Variants in SUV39H2 observed in about 807,000 individuals in gnomAD.
SUV39H2 encodes SUV39H2 histone lysine methyltransferase.
In SUV39H2, 10 loss-of-function variants were observed where a neutral mutation model predicts 47.5. The observed-to-expected ratio is 0.21, with a 90% confidence interval of 0.13 to 0.36. The LOEUF (loss-of-function observed/expected upper bound fraction) is 0.36. SUV39H2 is among the 10% of genes least tolerant of loss of function. The pLI is 1.00. For synonymous variants in SUV39H2, 159 were observed against 166.8 expected (o/e 0.95, Z 0.36); for missense variants, 266 against 487.4 (o/e 0.55, Z 4.28).
At chr10:14,893,036 G>T (rs71485533) in intron 2 of SUV39H2, among the ~76,000 whole-genome samples, 1 of 131,756 alleles carries the variant, frequency 7.6e-6, no homozygotes, top group Non-Finnish European at 1.5e-5. Flanking sequence ...ACGGAGTCTC[G>T]CTGTCGCCCA....
chr10:14,893,705 G>A (rs1833469824), intron 2 of SUV39H2, among the ~76,000 whole-genome samples: 1 of 152,154 alleles, frequency 6.6e-6, no homozygotes, highest in African/African-American at 2.4e-5. Flanking sequence ...ATATTTCTAT[G>A]CTAGTCTGCT....
At chr10:14,880,658 G>A (rs1362944907) in intron 1 of SUV39H2, among the ~76,000 whole-genome samples, 1 of 152,174 alleles carries the variant, frequency 6.6e-6, no homozygotes, top group Non-Finnish European at 1.5e-5. Flanking sequence ...AATTCAGTGT[G>A]GTAACATGCT....
intron 2 of SUV39H2, among the ~76,000 whole-genome samples, chr10:14,886,083 A>C (rs1023116640): frequency 6.6e-6 from 1 of 152,224 alleles, no homozygotes; most frequent in Non-Finnish European, 1.5e-5. Flanking sequence ...AGATCATTTC[A>C]TTTAGCTAAG....
chr10:14,902,184 T>C (rs1834072761), intron 5 of SUV39H2, among the ~76,000 whole-genome samples: 1 of 152,208 alleles, frequency 6.6e-6, no homozygotes, highest in African/African-American at 2.4e-5. Context: ...CACCATCCTT[T>C]CAAGACAATT....
chr10:14,879,055 C>A, intron 1 of SUV39H2, 136 bp downstream of exon 1: 1 of 1,313,354 alleles, frequency 7.6e-7, no homozygotes, highest in Non-Finnish European at 9.7e-7. Flanking sequence ...AACTCCGGGA[C>A]GCACGCTGCG....
chr10:14,896,257 A>T (rs542029683), intron 2 of SUV39H2, among the ~76,000 whole-genome samples: 23 of 152,080 alleles, frequency 1.5e-4, no homozygotes, highest in Non-Finnish European at 3.2e-4. Flanking sequence ...TGTGTATTAT[A>T]TTTTAAGCAT....
intron 2 of SUV39H2, among the ~76,000 whole-genome samples, chr10:14,892,265 A>G (rs964637472): frequency 1.3e-5 from 2 of 152,218 alleles, no homozygotes; most frequent in African/African-American, 2.4e-5. Flanking sequence ...ATGGAGTTAA[A>G]TGTACTTCAT....
At chr10:14,899,409 G>GT (rs1179094992) in intron 3 of SUV39H2, 130 bp from the exon 4 acceptor site, 30 of 965,892 alleles carry the variant, frequency 3.1e-5, no homozygotes, top group Admixed American at 2.8e-4. Flanking sequence ...TTGTGTGAAT[G>GT]TTTGCTTTGA....
At chr10:14,894,219 T>G (rs1833485358) in intron 2 of SUV39H2, among the ~76,000 whole-genome samples, 4 of 149,694 alleles carry the variant, frequency 2.7e-5, no homozygotes, top group Non-Finnish European at 5.9e-5. Context: ...AATGTACATC[T>G]AGGCTTTTTT....
intron 2 of SUV39H2, 103 bp from the exon 3 acceptor site, chr10:14,896,742 GA>G: frequency 1.1e-6 from 1 of 943,718 alleles, no homozygotes; most frequent in Non-Finnish European, 1.6e-6. Flanking sequence ...CTGTTAGTAA[GA>G]AAAATGGTAT....
chr10:14,887,975 T>C (rs1385805501), intron 2 of SUV39H2, among the ~76,000 whole-genome samples: 1 of 151,904 alleles, frequency 6.6e-6, no homozygotes, highest in Non-Finnish European at 1.5e-5. Flanking sequence ...CTTCAAGGAA[T>C]AGAGGGTGTG....
intron 1 of SUV39H2, 28 bp from the exon 2 acceptor site, chr10:14,881,472 A>G: frequency 7.0e-7 from 1 of 1,425,444 alleles, no homozygotes; most frequent in Non-Finnish European, 9.2e-7. Context: ...CTATTTCATT[A>G]GTAAAGAATT....
rs1400194306 is a variant in SUV39H2 at position 14,902,914 on chromosome 10, C to A, written c.*402C>A. 1 of 154,268 alleles carries A rather than the reference C, an allele frequency of 6.5e-6. No homozygotes were observed. The highest frequency in any genetic ancestry group is 1.4e-5 in the Non-Finnish European group (1 of 69,336). The allele number at this position is 154,268 out of a possible 1,614,324, so 9.6% of individuals were successfully genotyped here. ...AATTCGGAGAAACAGTTAATTTGGG[C>A]AAATCTACAGTTCTGTTTTTGCTAC... On this transcript the variant is annotated 3_prime_UTR_variant, in exon 6 of 6. Coordinates refer to ENST00000354919, the MANE Select transcript of SUV39H2 (RefSeq NM_001193424.2).
chr10:14,899,566 C>T lies in SUV39H2; in HGVS notation c.877C>T (p.Arg293Ter), dbSNP rs543776803. Residue 293 changes from arginine (R) to a stop codon, truncating the protein, a stop_gained, in exon 4 of 6, where the codon CGA becomes TGA. Coordinates refer to ENST00000354919, the MANE Select transcript of SUV39H2 (RefSeq NM_001193424.2). LOFTEE classifies it high-confidence loss of function. ...EVITSEEAER[R>*]GQFYDNKGIT... ...AATCACAAGTGAAGAAGCTGAAAGA[C>T]GAGGACAGTTCTATGACAACAAGGG... 6.2e-7 allele frequency: 1 copy of T among 1,614,052 alleles called. No individual in the cohort carries two copies. Among genetic ancestry groups the T allele is most frequent in the Non-Finnish European group, 8.5e-7 (1 of 1,180,008 alleles).
intron 1 of SUV39H2, chr10:14,879,761 C>T (rs1262036968): frequency 6.6e-6 from 1 of 152,130 alleles, no homozygotes; most frequent in Non-Finnish European, 1.5e-5. Flanking sequence ...GAATTTTTCT[C>T]CTTGGAGAAT....
At position 14,897,344 on chromosome 10, in the gene SUV39H2, A is replaced by G. The variant is rs778133252; in HGVS notation, c.676A>G (p.Ile226Val). ...AATTAAAATCCCACCTGGTACTCCCATCTATGAATGCAACTCAAGGTGTCA... is the reference window on the plus strand; with the variant it reads ...AATTAAAATCCCACCTGGTACTCCCGTCTATGAATGCAACTCAAGGTGTCA... The part of the protein sequence containing the change: ...QQIKIPPGTP[I>V]YECNSRCQCG... Residue 226 changes from isoleucine to valine, a missense_variant, in exon 3 of 6, where the codon ATC (isoleucine) becomes GTC (valine). Ile to Val is a conservative substitution (Grantham distance 29). Transcript: ENST00000354919. The G allele has an allele frequency of 1.9e-6, 3 of 1,613,054 alleles. No individual in the cohort carries two copies. The South Asian group carries it at 3.3e-5, about 18-fold the overall frequency.
At chr10:14,899,906 A>G (rs1833878199) in intron 4 of SUV39H2, among the ~76,000 whole-genome samples, 1 of 152,208 alleles carries the variant, frequency 6.6e-6, no homozygotes, top group Non-Finnish European at 1.5e-5. Flanking sequence ...GTATTTTACA[A>G]GAGTCTTTAC....
intron 4 of SUV39H2, among the ~76,000 whole-genome samples, 192 bp from the exon 5 acceptor site, chr10:14,900,941 A>G (rs1833966407): frequency 1.3e-5 from 2 of 152,178 alleles, no homozygotes; most frequent in South Asian, 2.1e-4. Flanking sequence ...TCTATTTTAT[A>G]CTTGTCTGAA....
intron 2 of SUV39H2, among the ~76,000 whole-genome samples, chr10:14,882,336 TG>T (rs1405919839): frequency 3.3e-5 from 5 of 152,132 alleles, no homozygotes; most frequent in Non-Finnish European, 7.3e-5. Flanking sequence ...TCGGGAATCT[TG>T]TTTAAGTCTT....
Sources: allele counts gnomAD v4.1 joint callset (sites outside exome capture counted in the v4.1 genomes callset), GRCh38; gene constraint gnomAD v4.1.1; transcripts MANE v1.5; gene names NCBI Gene and HGNC (gene_info 2026-07-23, HGNC 2026-07-21).